Variants in SLC6A2 observed in about 807,000 individuals in gnomAD.
The protein encoded by SLC6A2 is solute carrier family 6 member 2.
A neutral mutation model predicts 71.7 loss-of-function variants in SLC6A2; 26 were observed. The ratio of observed to expected loss-of-function variants is 0.36; its 90% CI spans 0.27 to 0.50. SLC6A2 has a LOEUF of 0.50. SLC6A2 is among the 20% of genes least tolerant of loss of function. The pLI is 0.96. For missense variants in SLC6A2, 581 were observed against 803.9 expected (o/e 0.72, Z 3.35); for synonymous variants, 363 against 337.9 (o/e 1.07, Z -0.82).
At chr16:55,673,777 G>C (rs562485255) in intron 4 of SLC6A2, among the ~76,000 whole-genome samples, 4 of 152,090 alleles carry the variant, frequency 2.6e-5, no homozygotes, top group Non-Finnish European at 5.9e-5. Context: ...GGCCAGGCTG[G>C]TCTCAAACTC....
intron 4 of SLC6A2, among the ~76,000 whole-genome samples, chr16:55,681,140 C>T (rs964407372): frequency 3.9e-5 from 6 of 152,202 alleles, no homozygotes; most frequent in African/African-American, 1.4e-4. Context: ...ACACCTGCTG[C>T]TCCTTGAAGC....
At chr16:55,658,422 A>G (rs1345690685) in intron 2 of SLC6A2, among the ~76,000 whole-genome samples, 2 of 152,108 alleles carry the variant, frequency 1.3e-5, no homozygotes, top group Admixed American at 6.5e-5. Flanking sequence ...CTGAGGCAGG[A>G]GAATCACTTG....
At chr16:55,702,193 G>C in intron 14 of SLC6A2, 130 bp from the exon 15 acceptor site, 3 of 956,374 alleles carry the variant, frequency 3.1e-6, no homozygotes, top group Non-Finnish European at 5.2e-6. Context: ...CAACTTGCAC[G>C]TTCCCTGAGG....
chr16:55,682,316 C>T (rs1965299173), intron 4 of SLC6A2, among the ~76,000 whole-genome samples: 1 of 152,080 alleles, frequency 6.6e-6, no homozygotes. Context: ...GTGCCCTGGG[C>T]AGTATGAAAG....
Position 55,702,505 on chromosome 16 carries a change from G to A in SLC6A2, c.*159G>A, listed in dbSNP as rs1966003790. ...ATTTACAAATGATTTCGTGACTGTA[G>A]TTTTTGTTCACCTTCTGTGCATCTG... is the stretch of plus-strand genomic sequence containing the variant. On this transcript the variant is annotated 3_prime_UTR_variant, in exon 15 of 15. Transcript: ENST00000568943. 1.3e-6 allele frequency: 2 copies of A among 1,533,194 alleles called. No individual in the cohort carries two copies. Among genetic ancestry groups the A allele is most frequent in the Non-Finnish European group, 1.8e-6 (2 of 1,137,102 alleles). 95.0% of individuals were successfully genotyped at this position (1,533,194 alleles called of 1,614,324 possible). A position where few individuals can be genotyped will look rare whatever the true frequency, so the allele number is the denominator to read the frequency against.
chr16:55,672,124 A>G lies in SLC6A2; in HGVS notation c.593A>G (p.Asn198Ser), dbSNP rs768999362. Residue 198 changes from asparagine to serine, a missense_variant, in exon 4 of 15, where the codon AAC becomes AGC. Transcript: ENST00000568943. Reference protein sequence around the residue: ...PKLLNGSVLGNHTKYSKYKFT... With the variant: ...PKLLNGSVLGSHTKYSKYKFT... ...CTCCTCAATGGCTCCGTGCTTGGCA[A>G]CCACACCAAGTACTCCAAGTACAAG... is the stretch of plus-strand genomic sequence containing the variant. The G allele has an allele frequency of 1.2e-5, 20 of 1,614,162 alleles. No individual in the cohort carries two copies. The South Asian group carries it at 2.2e-4, about 18-fold the overall frequency.
Position 55,701,920 on chromosome 16 carries a change from A to C in SLC6A2, c.1816A>C (p.Ile606Leu), listed in dbSNP as rs1597019012. 2 of 1,613,806 alleles carry C rather than the reference A, an allele frequency of 1.2e-6. No individual in the cohort carries two copies. The part of the protein sequence containing the change: ...NEHHLVAQRD[I>L]RQFQLQHWLA... Reference sequence around the variant, plus strand: ...GCACCACCTGGTGGCTCAGAGGGACATCAGACAGTTCCAGGTGGGTGAAGC... The same window carrying C: ...GCACCACCTGGTGGCTCAGAGGGACCTCAGACAGTTCCAGGTGGGTGAAGC... The change falls in exon 14 of 15, where the codon ATC (isoleucine) becomes CTC (leucine). Residue 606 changes from isoleucine (I) to leucine (L), a missense_variant. This residue lies in a region of SLC6A2 where 334 missense variants were observed against 449.0 expected (regional missense o/e 0.74). Coordinates refer to ENST00000568943, the MANE Select transcript of SLC6A2 (RefSeq NM_001172501.3).
At chr16:55,683,685 G>C (rs1345361048) in intron 4 of SLC6A2, among the ~76,000 whole-genome samples, 1 of 152,006 alleles carries the variant, frequency 6.6e-6, no homozygotes, top group Admixed American at 6.6e-5. Flanking sequence ...TTTATTGATA[G>C]CTAACATATT....
In SLC6A2 at chr16:55,701,788, C is replaced by T. The variant is rs568343822; in HGVS notation, c.1759-75C>T. 18 of 1,106,732 alleles carry T rather than the reference C, an allele frequency of 1.6e-5. No individual in the cohort carries two copies. The South Asian group carries it at 2.2e-4, about 14-fold the overall frequency. 68.6% of individuals were successfully genotyped at this position (1,106,732 alleles called of 1,614,324 possible). A position where few individuals can be genotyped will look rare whatever the true frequency, so the allele number is the denominator to read the frequency against. ...GGATCAAATAGCAGGTGGCCCTCAT[C>T]TGGGGGTGCAGCCAGGCTGCCAGAA... On this transcript the variant is annotated intron_variant, in intron 13 of 14. Transcript: ENST00000568943.
chr16:55,701,734 AC>A, intron 13 of SLC6A2, 128 bp from the exon 14 acceptor site: 2 of 760,870 alleles, frequency 2.6e-6, no homozygotes, highest in Middle Eastern at 3.4e-4. Context: ...TCTTGTACAG[AC>A]CCCAAATGCT....
intron 4 of SLC6A2, among the ~76,000 whole-genome samples, chr16:55,680,835 G>T (rs1434937060): frequency 6.6e-6 from 1 of 152,112 alleles, no homozygotes; most frequent in Non-Finnish European, 1.5e-5. Context: ...TGATTGCATG[G>T]GGAAGATGAT....
intron 2 of SLC6A2, among the ~76,000 whole-genome samples, chr16:55,658,452 G>A (rs1964519273): frequency 6.6e-6 from 1 of 152,036 alleles, no homozygotes; most frequent in African/African-American, 2.4e-5. Context: ...TGTGGAGGTT[G>A]CAGTGAGCCA....
At chr16:55,658,848 A>G (rs1383784997) in intron 2 of SLC6A2, among the ~76,000 whole-genome samples, 1 of 152,196 alleles carries the variant, frequency 6.6e-6, no homozygotes, top group East Asian at 1.9e-4. Context: ...GAAAGGTGAG[A>G]AAAGGAGAAG....
At chr16:55,689,157 G>C (rs146729301) in intron 5 of SLC6A2, among the ~76,000 whole-genome samples, 1 of 152,178 alleles carries the variant, frequency 6.6e-6, no homozygotes, top group African/African-American at 2.4e-5. Flanking sequence ...CAGAGCCCAA[G>C]CCTTTCTTCT....
chr16:55,684,976 G>A (rs572846359), intron 4 of SLC6A2, among the ~76,000 whole-genome samples, 167 bp from the exon 5 acceptor site: 41 of 152,332 alleles, frequency 2.7e-4, no homozygotes, highest in African/African-American at 9.6e-4. Context: ...GGCTGATCAG[G>A]TCAGGCCCAT....
chr16:55,685,312 T>C (rs771566424), intron 5 of SLC6A2, 31 bp downstream of exon 5: 5 of 1,608,516 alleles, frequency 3.1e-6, no homozygotes, highest in South Asian at 1.1e-5. Flanking sequence ...TTTCACTTAC[T>C]TGGGTGATCA....
At chr16:55,672,350 G>T (rs1265960301) in intron 4 of SLC6A2, among the ~76,000 whole-genome samples, 175 bp downstream of exon 4, 3 of 152,190 alleles carry the variant, frequency 2.0e-5, no homozygotes, top group Non-Finnish European at 4.4e-5. Context: ...CACGGTCGAG[G>T]TAGTTGGAGA....
chr16:55,698,049 T>A (rs746826564), intron 10 of SLC6A2, 24 bp downstream of exon 10: 5 of 1,613,482 alleles, frequency 3.1e-6, no homozygotes, highest in Non-Finnish European at 4.2e-6. Context: ...GGGCTCTGGG[T>A]CACCTGGGGG....
intron 4 of SLC6A2, among the ~76,000 whole-genome samples, chr16:55,681,000 C>A (rs1965253951): frequency 6.6e-6 from 1 of 152,066 alleles, no homozygotes; most frequent in Non-Finnish European, 1.5e-5. Context: ...CCCATTGCTC[C>A]CTCCCCTACA....
Sources: allele counts gnomAD v4.1 joint callset (sites outside exome capture counted in the v4.1 genomes callset), GRCh38; gene constraint gnomAD v4.1.1; regional missense constraint gnomAD v4.1.1; transcripts MANE v1.5; gene names NCBI Gene and HGNC (gene_info 2026-07-23, HGNC 2026-07-21).